The following DPH6 variants were observed in gnomAD, a reference collection of about 807,000 sequenced individuals.
The protein encoded by DPH6 is diphthine--ammonia ligase.
A neutral mutation model predicts 38.2 loss-of-function variants in DPH6; 33 were observed. That is an observed-to-expected ratio of 0.86 (90% confidence interval 0.65 to 1.15). DPH6 has a LOEUF of 1.15. Among genes scored for constraint, DPH6 ranks in the 50% most tolerant of loss-of-function variants. The pLI is 0.00. For synonymous variants in DPH6, 108 were observed against 103.0 expected (o/e 1.05, Z -0.30); for missense variants, 325 against 320.0 (o/e 1.02, Z -0.12).
chr15:35,339,019 C>T (rs1382704800), intron 3 of DPH6, among the ~76,000 whole-genome samples: 5 of 151,234 alleles, frequency 3.3e-5, no homozygotes, highest in Non-Finnish European at 7.4e-5. Flanking sequence ...ACATCACACA[C>T]TGGGGCCTGT....
the DPH6 span, among the ~76,000 whole-genome samples, chr15:35,180,077 G>A: frequency 6.6e-6 from 1 of 152,066 alleles, no homozygotes; most frequent in East Asian, 1.9e-4. Flanking sequence ...GAAAGAATAT[G>A]CATGAAAATA....
chr15:35,542,233 G>A (rs556562229), intron 2 of DPH6, among the ~76,000 whole-genome samples, 180 bp downstream of exon 2: 124 of 152,018 alleles, frequency 8.2e-4, no homozygotes, highest in Non-Finnish European at 1.6e-3. Context: ...TTGGTTATGA[G>A]AATTAAAAAG....
chr15:35,545,450 C>T (rs2141581358), intron 1 of DPH6, among the ~76,000 whole-genome samples: 1 of 152,330 alleles, frequency 6.6e-6, no homozygotes, highest in Non-Finnish European at 1.5e-5. Context: ...GAGTCCGAAG[C>T]AACAGCAACT....
chr15:35,376,702 A>G (rs1439196502), intron 7 of DPH6, among the ~76,000 whole-genome samples: 1 of 151,984 alleles, frequency 6.6e-6, no homozygotes, highest in Non-Finnish European at 1.5e-5. Flanking sequence ...TTTATATCAT[A>G]TTTTTACTGT....
chr15:35,371,549 T>C lies in DPH6; in HGVS notation c.*601A>G, dbSNP rs1231893881. On this transcript the variant is annotated 3_prime_UTR_variant, in exon 9 of 9. Coordinates refer to ENST00000256538, the MANE Select transcript of DPH6 (RefSeq NM_080650.4). ...CATAAAGTCTATTTTTTGTAAAAGT[T>C]TTCTAAGGTCAACATAGTTAATACT... The C allele has an allele frequency of 3.1e-6, 3 of 971,548 alleles. No homozygotes were observed. The highest frequency in any genetic ancestry group is 3.7e-6 in the Non-Finnish European group (3 of 817,508). The allele number at this position is 971,548 out of a possible 1,614,324, so 60.2% of individuals were successfully genotyped here. A position where few individuals can be genotyped will look rare whatever the true frequency, so the allele number is the denominator to read the frequency against.
chr15:35,207,995 T>C, the DPH6 span, among the ~76,000 whole-genome samples: 1 of 152,218 alleles, frequency 6.6e-6, no homozygotes, highest in Non-Finnish European at 1.5e-5. Context: ...AGAACTTGTT[T>C]TGCCTACTAG....
the DPH6 span, among the ~76,000 whole-genome samples, chr15:35,160,009 A>G: frequency 6.6e-6 from 1 of 152,066 alleles, no homozygotes; most frequent in Non-Finnish European, 1.5e-5. Context: ...GTATACACGG[A>G]CACAAAGATG....
chr15:35,411,559 T>C (rs1470156838), intron 5 of DPH6, among the ~76,000 whole-genome samples: 1 of 151,604 alleles, frequency 6.6e-6, no homozygotes, highest in African/African-American at 2.4e-5. Flanking sequence ...GTAGAGTTTA[T>C]ATAGGTAATG....
intron 3 of DPH6, among the ~76,000 whole-genome samples, chr15:35,487,139 T>G (rs1004194010): frequency 1.3e-5 from 2 of 152,326 alleles, no homozygotes; most frequent in African/African-American, 4.8e-5. Context: ...GCTGCTTTCA[T>G]GGGCTGGTGT....
chr15:35,181,289 C>A, the DPH6 span, among the ~76,000 whole-genome samples: 1 of 151,810 alleles, frequency 6.6e-6, no homozygotes, highest in African/African-American at 2.4e-5. Context: ...CCAGCAAGCA[C>A]CTAAACATTC....
intron 5 of DPH6, among the ~76,000 whole-genome samples, chr15:35,434,446 T>G (rs2053670723): frequency 6.6e-6 from 1 of 152,050 alleles, no homozygotes; most frequent in African/African-American, 2.4e-5. Flanking sequence ...AACAAAAAAT[T>G]GATGACATAA....
the DPH6 span, among the ~76,000 whole-genome samples, chr15:35,207,863 A>G: frequency 6.6e-6 from 1 of 152,162 alleles, no homozygotes; most frequent in African/African-American, 2.4e-5. Context: ...ATTAAATACC[A>G]CTAACCGGAA....
chr15:35,389,355 G>A (rs1253633809), intron 6 of DPH6, among the ~76,000 whole-genome samples: 1 of 152,144 alleles, frequency 6.6e-6, no homozygotes, highest in African/African-American at 2.4e-5. Context: ...TGTCTATTAG[G>A]TCTGCTTGGT....
At chr15:35,350,043 G>T (rs1000167162) in intron 3 of DPH6, among the ~76,000 whole-genome samples, 23 of 152,190 alleles carry the variant, frequency 1.5e-4, no homozygotes, top group African/African-American at 4.8e-4. Flanking sequence ...TCTTTAAATG[G>T]CTGCAAGAAT....
At chr15:35,176,933 T>C in the DPH6 span, among the ~76,000 whole-genome samples, 2 of 152,334 alleles carry the variant, frequency 1.3e-5, no homozygotes, top group South Asian at 2.1e-4. Context: ...TTCTAAGACA[T>C]ATGATTAGAA....
At chr15:35,374,178 T>G (rs1014622581) in intron 7 of DPH6, among the ~76,000 whole-genome samples, 1 of 152,032 alleles carries the variant, frequency 6.6e-6, no homozygotes, top group Non-Finnish European at 1.5e-5. Context: ...TATGGATACA[T>G]GTAAATTAAC....
chr15:35,237,718 C>G, intron 3 of DPH6: 2 of 1,613,866 alleles, frequency 1.2e-6, no homozygotes, highest in Non-Finnish European at 1.7e-6. Flanking sequence ...TGAACGACTA[C>G]CGAGAAAATG....
At chr15:35,165,218 A>C in the DPH6 span, among the ~76,000 whole-genome samples, 357 of 152,018 alleles carry the variant, frequency 2.3e-3, no homozygotes, top group African/African-American at 8.3e-3. Context: ...CTAAGACTTA[A>C]ATTGTAAGTA....
the DPH6 span, among the ~76,000 whole-genome samples, chr15:35,149,306 C>T: frequency 2.6e-5 from 4 of 152,282 alleles, no homozygotes; most frequent in African/African-American, 4.8e-5. Context: ...GGCCCCATCT[C>T]GGCTCACTGC....
Sources: allele counts gnomAD v4.1 joint callset (sites outside exome capture counted in the v4.1 genomes callset), GRCh38; gene constraint gnomAD v4.1.1; transcripts MANE v1.5; gene names NCBI Gene and HGNC (gene_info 2026-07-23, HGNC 2026-07-21).